Variants in DNAH8 observed in about 807,000 individuals in gnomAD.
DNAH8 encodes dynein axonemal heavy chain 8.
A neutral mutation model predicts 562.1 loss-of-function variants in DNAH8; 382 were observed. The observed-to-expected ratio is 0.68, with a 90% CI of 0.63 to 0.74. The LOEUF is 0.74. DNAH8 is among the 30% of genes least tolerant of loss of function. The pLI is 0.00. For synonymous variants in DNAH8, 1,881 were observed against 1,919.4 expected (o/e 0.98, Z 0.52); for missense variants, 5,203 against 5,620.4 (o/e 0.93, Z 2.37).
chr6:38,875,283 C>G (rs1290817846), intron 52 of DNAH8, among the ~76,000 whole-genome samples: 1 of 152,164 alleles, frequency 6.6e-6, no homozygotes, highest in Admixed American at 6.5e-5. Context: ...CTGCTTACAT[C>G]GAGTCTAGGC....
rs746256960 is a variant in DNAH8 at position 38,875,717 on chromosome 6, A to C, written c.7747A>C (p.Ser2583Arg). ...TTTAGGAGCCCTTCTGGAATTAGAA[A>C]GCAGAGAAAAGCTTGAAGCCTTCTT... The part of the protein sequence containing the change: ...WSLGALLELE[S>R]REKLEAFLRQ... The change falls in exon 53 of 93, where the codon AGC (serine) becomes CGC (arginine). Residue 2583 changes from serine to arginine, a missense_variant. By Grantham distance (110) the Ser-to-Arg change is moderately radical. This residue lies in a region of DNAH8 where 977 missense variants were observed against 1,061.8 expected (regional missense o/e 0.92). Transcript: ENST00000327475. 3.1e-6 allele frequency: 5 copies of C among 1,614,028 alleles called. No individual in the cohort carries two copies. The South Asian group carries it at 4.4e-5, about 14-fold the overall frequency.
chr6:38,867,951 CA>C, intron 47 of DNAH8, 110 bp from the exon 48 acceptor site: 5 of 1,134,570 alleles, frequency 4.4e-6, no homozygotes, highest in Non-Finnish European at 6.2e-6. Flanking sequence ...TTAGTCACCC[CA>C]AAACTATCCC....
chr6:38,822,574 A>T (rs1378243694), intron 26 of DNAH8, among the ~76,000 whole-genome samples: 2 of 152,210 alleles, frequency 1.3e-5, no homozygotes, highest in African/African-American at 4.8e-5. Context: ...GGGGTGTTTT[A>T]ATCAGTGTCT....
At chr6:38,735,533 T>C (rs1764006279) in intron 5 of DNAH8, among the ~76,000 whole-genome samples, 1 of 152,226 alleles carries the variant, frequency 6.6e-6, no homozygotes, top group African/African-American at 2.4e-5. Flanking sequence ...GTCTTCAAAG[T>C]CCTGTAGTTT....
intron 82 of DNAH8, 103 bp downstream of exon 82, chr6:38,951,623 A>G: frequency 2.0e-6 from 2 of 995,934 alleles, no homozygotes; most frequent in South Asian, 3.1e-5. Flanking sequence ...TAGATGTAAA[A>G]CTGAATTCGA....
intron 83 of DNAH8, 111 bp downstream of exon 83, chr6:38,971,776 T>G (rs1763372852): frequency 2.6e-6 from 2 of 756,098 alleles, no homozygotes; most frequent in Admixed American, 3.3e-5. Flanking sequence ...CCATTTTTGT[T>G]TATCATTACC....
intron 3 of DNAH8, among the ~76,000 whole-genome samples, chr6:38,728,927 C>T (rs1212253169): frequency 6.6e-6 from 1 of 152,128 alleles, no homozygotes. Context: ...TACTCATGGC[C>T]AGGTGTGGTG....
At chr6:38,975,767 A>G (rs1763625839) in intron 85 of DNAH8, among the ~76,000 whole-genome samples, 2 of 152,210 alleles carry the variant, frequency 1.3e-5, no homozygotes, top group Admixed American at 1.3e-4. Context: ...AGACCTTATC[A>G]CATCCTAATA....
At chr6:38,783,241 G>T (rs1768822285) in intron 17 of DNAH8, 102 bp downstream of exon 17, 1 of 991,256 alleles carries the variant, frequency 1.0e-6, no homozygotes, top group African/African-American at 1.6e-5. Context: ...CATAATCTTA[G>T]GATAGTTACA....
At chr6:38,936,490 C>T (rs1469455271) in intron 77 of DNAH8, 1 of 152,138 alleles carries the variant, frequency 6.6e-6, no homozygotes, top group Non-Finnish European at 1.5e-5. Context: ...ATTCTACTAC[C>T]TTATTAGAAG....
At chr6:38,721,092 T>A (rs1194853888) in intron 1 of DNAH8, among the ~76,000 whole-genome samples, 1 of 151,928 alleles carries the variant, frequency 6.6e-6, no homozygotes, top group Non-Finnish European at 1.5e-5. Flanking sequence ...ACGACCAGAT[T>A]TAAGAATTAT....
At chr6:38,970,818 A>G (rs1166010951) in intron 82 of DNAH8, among the ~76,000 whole-genome samples, 1 of 152,164 alleles carries the variant, frequency 6.6e-6, no homozygotes, top group Non-Finnish European at 1.5e-5. Context: ...TTAATTTCCA[A>G]TTGCAGTTGT....
chr6:38,908,332 C>A (rs922813970), intron 64 of DNAH8, among the ~76,000 whole-genome samples: 2 of 152,096 alleles, frequency 1.3e-5, no homozygotes, highest in South Asian at 4.1e-4. Flanking sequence ...ACTGCATAAC[C>A]TGCAATTTTC....
chr6:38,894,933 T>A (rs1583294916), intron 59 of DNAH8, 69 bp downstream of exon 59: 4 of 1,440,464 alleles, frequency 2.8e-6, no homozygotes, highest in East Asian at 5.1e-5. Context: ...TAATTTTTTT[T>A]ATTTTTATTT....
intron 63 of DNAH8, 23 bp from the exon 64 acceptor site, chr6:38,907,933 A>C (rs1780606937): frequency 1.3e-6 from 2 of 1,545,114 alleles, no homozygotes; most frequent in Non-Finnish European, 1.7e-6. Context: ...AACACAGAAC[A>C]CTTCCTTGTC....
chr6:39,030,152 C>G lies in DNAH8; in HGVS notation c.13884C>G (p.Asp4628Glu). The G allele has an allele frequency of 1.2e-6, 2 of 1,614,000 alleles. No homozygotes were observed. Among genetic ancestry groups the G allele is most frequent in the Non-Finnish European group, 1.7e-6 (2 of 1,179,962 alleles). ...YGLYMDGAAW[D>E]RRNGKLMEST... is the part of the protein sequence containing the mutation. ...TCTACATGGATGGAGCAGCCTGGGA[C>G]AGACGGAATGGGAAGCTCATGGAAT... is the stretch of plus-strand genomic sequence containing the variant. The change falls in exon 93 of 93, where the codon GAC becomes GAG. Residue 4628 changes from aspartate (D) to glutamate (E), a missense_variant. By Grantham distance (45) the Asp-to-Glu change is conservative. This residue lies in a region of DNAH8 where 1,399 missense variants were observed against 1,518.4 expected (regional missense o/e 0.92). Coordinates refer to ENST00000327475, the MANE Select transcript of DNAH8 (RefSeq NM_001206927.2).
intron 47 of DNAH8, 138 bp from the exon 48 acceptor site, chr6:38,867,924 T>G: frequency 1.3e-6 from 1 of 744,810 alleles, no homozygotes; most frequent in Non-Finnish European, 2.1e-6. Flanking sequence ...GAAGTTGAGC[T>G]AATAAACCTT....
chr6:38,978,895 T>TG (rs1332237513), intron 85 of DNAH8, among the ~76,000 whole-genome samples: 1 of 152,180 alleles, frequency 6.6e-6, no homozygotes, highest in East Asian at 1.9e-4. Context: ...AAGTAGGGAG[T>TG]GGACTGGTTT....
At chr6:38,798,010 G>A (rs979724469) in intron 21 of DNAH8, among the ~76,000 whole-genome samples, 3 of 152,020 alleles carry the variant, frequency 2.0e-5, no homozygotes, top group South Asian at 2.1e-4. Context: ...CCTGGGAGGC[G>A]GAGGTTGCAG....
Sources: allele counts gnomAD v4.1 joint callset (sites outside exome capture counted in the v4.1 genomes callset), GRCh38; gene constraint gnomAD v4.1.1; regional missense constraint gnomAD v4.1.1; transcripts MANE v1.5; gene names NCBI Gene and HGNC (gene_info 2026-07-23, HGNC 2026-07-21).